The following MAN2B2 variants were observed in gnomAD, a reference collection of about 807,000 sequenced individuals.
The protein encoded by MAN2B2 is epididymis-specific alpha-mannosidase.
MAN2B2 carries 106 observed loss-of-function variants against 117.1 expected under a neutral mutation model. The observed-to-expected ratio is 0.90, with a 90% CI of 0.77 to 1.06. The LOEUF (loss-of-function observed/expected upper bound fraction) is 1.06, where lower values mean the gene tolerates loss of function less well. MAN2B2 is among the 50% of genes least tolerant of loss of function. The probability of loss-of-function intolerance (pLI) is 0.00; values close to 1 mark genes in which losing one functional copy is unlikely to be tolerated. For synonymous variants in MAN2B2, 544 were observed against 595.1 expected, an observed-to-expected ratio of 0.91 and a Z score of 1.25; for missense variants, 1,326 against 1,381.4, an observed-to-expected ratio of 0.96 and a Z score of 0.64.
intron 7 of MAN2B2, among the ~76,000 whole-genome samples, chr4:6,596,704 C>T (rs1021929395): frequency 6.6e-6 from 1 of 152,198 alleles, no homozygotes; most frequent in Non-Finnish European, 1.5e-5. Flanking sequence ...GGCCTCTGTG[C>T]AGTCTAGGCC....
At position 6,611,386 on chromosome 4, in the gene MAN2B2, G is replaced by T. The variant is rs148713437; in HGVS notation, c.2563+108G>T. 688 of 1,199,948 alleles carry T rather than the reference G, an allele frequency of 5.7e-4. 5 individuals are homozygous for T. In the African/African-American group the frequency reaches 9.6e-3, roughly 17 times the overall value. The allele number at this position is 1,199,948 out of a possible 1,614,324, so 74.3% of individuals were successfully genotyped here. ...CCTCATGACTCTGGGCAGCTTTTGG[G>T]CAGGAAGCGACCTCAGGGACCTCTA... is the stretch of plus-strand genomic sequence containing the variant. On this transcript the variant is annotated intron_variant, in intron 15 of 18. Coordinates refer to ENST00000285599, the MANE Select transcript of MAN2B2 (RefSeq NM_015274.3).
chr4:6,605,019 T>C lies in MAN2B2; in HGVS notation c.1540-36T>C, dbSNP rs775124530. On this transcript the variant is annotated intron_variant, in intron 10 of 18. Transcript: ENST00000285599. ...ACCCCATTCCAGAAAGTGTGAGAGC[T>C]GACAGTTAACAAGTCTCATCCTGCT... 3 of 1,591,900 alleles carry C rather than the reference T, an allele frequency of 1.9e-6. No individual in the cohort carries two copies. The East Asian group carries it at 6.8e-5, about 36-fold the overall frequency.
intron 14 of MAN2B2, 24 bp downstream of exon 14, chr4:6,611,014 A>G (rs1455160856): frequency 2.3e-5 from 37 of 1,613,512 alleles, no homozygotes; most frequent in Admixed American, 6.7e-5. Flanking sequence ...TCTGTCCTAC[A>G]GCAGCCCCTC....
intron 6 of MAN2B2, among the ~76,000 whole-genome samples, chr4:6,594,122 G>A (rs1463607084): frequency 6.6e-6 from 1 of 151,906 alleles, no homozygotes; most frequent in Non-Finnish European, 1.5e-5. Context: ...TAATGATTTG[G>A]ATAAGTAGTA....
chr4:6,599,278 A>AT (rs146877043), intron 9 of MAN2B2, among the ~76,000 whole-genome samples: 6,687 of 151,252 alleles, frequency 0.044, 508 homozygotes, highest in African/African-American at 0.15. Flanking sequence ...TTTTATTTTT[A>AT]TTTTTTTTGG....
In MAN2B2 at chr4:6,609,817, T is replaced by C. The variant is rs61729247; in HGVS notation, c.2026T>C (p.Tyr676His). ...CTCCAGGAACATGACAGCACAGAAT[T>C]ACACGTATGCAATCCGCTCCCGGCT... ...YFYRNMTAQN[Y>H]TYAIRSRLTH... The change falls in exon 13 of 19, where the codon TAC (tyrosine) becomes CAC (histidine). Residue 676 changes from tyrosine (Y) to histidine (H), a missense_variant. Coordinates refer to ENST00000285599, the MANE Select transcript of MAN2B2 (RefSeq NM_015274.3). 4,195 of 1,613,950 alleles carry C rather than the reference T, an allele frequency of 2.6e-3. 116 individuals carry two copies. The African/African-American group carries it at 0.047, about 18-fold the overall frequency.
intron 5 of MAN2B2, among the ~76,000 whole-genome samples, chr4:6,589,377 A>T (rs901532534): frequency 3.0e-4 from 45 of 152,176 alleles, no homozygotes; most frequent in Admixed American, 2.7e-3. Context: ...AGTAGCTAGG[A>T]TTATAGGCAC....
intron 3 of MAN2B2, among the ~76,000 whole-genome samples, chr4:6,583,175 C>T (rs1036277738): frequency 3.9e-5 from 6 of 152,176 alleles, no homozygotes; most frequent in Admixed American, 3.9e-4. Flanking sequence ...GGAGCCAGGG[C>T]AGGCAGCTTC....
At chr4:6,579,043 C>T (rs1726194063) in intron 3 of MAN2B2, among the ~76,000 whole-genome samples, 1 of 101,232 alleles carries the variant, frequency 9.9e-6, no homozygotes, top group Non-Finnish European at 1.9e-5. Flanking sequence ...CTACCACCAT[C>T]ACCACCATCA....
At chr4:6,581,398 T>C (rs1225479618) in intron 3 of MAN2B2, among the ~76,000 whole-genome samples, 1 of 152,126 alleles carries the variant, frequency 6.6e-6, no homozygotes. Flanking sequence ...TTTATATATA[T>C]GCAGTAGGTA....
chr4:6,609,198 C>G lies in MAN2B2; in HGVS notation c.1906C>G (p.Leu636Val), dbSNP rs970820641. 1.2e-6 allele frequency: 2 copies of G among 1,614,120 alleles called. No individual in the cohort carries two copies. The highest frequency in any genetic ancestry group is 2.7e-5 in the African/African-American group (2 of 74,964). The change falls in exon 12 of 19, where the codon CTG becomes GTG. Residue 636 changes from leucine (L) to valine (V), a missense_variant. Leu to Val is a conservative substitution (Grantham distance 32). Coordinates refer to ENST00000285599, the MANE Select transcript of MAN2B2 (RefSeq NM_015274.3). Reference sequence around the variant, plus strand: ...ACAGGGCCCCATTTCCGATAACTACCTGTTCACACCGGGCAAGGCCGCGGT... The same window carrying G: ...ACAGGGCCCCATTTCCGATAACTACGTGTTCACACCGGGCAAGGCCGCGGT... The part of the protein sequence containing the change: ...VKQGPISDNY[L>V]FTPGKAAVPA...
chr4:6,611,689 G>A (rs922327637), intron 15 of MAN2B2, among the ~76,000 whole-genome samples: 2 of 152,206 alleles, frequency 1.3e-5, no homozygotes, highest in African/African-American at 2.4e-5. Context: ...AGCTACACGG[G>A]AGACTGAGGC....
At chr4:6,603,565 T>C (rs1484131638) in intron 10 of MAN2B2, among the ~76,000 whole-genome samples, 1 of 151,980 alleles carries the variant, frequency 6.6e-6, no homozygotes, top group African/African-American at 2.4e-5. Flanking sequence ...AGATGCAGTA[T>C]CCGTTAGGAG....
intron 3 of MAN2B2, among the ~76,000 whole-genome samples, chr4:6,585,009 C>T (rs1415170000): frequency 6.6e-6 from 1 of 152,074 alleles, no homozygotes; most frequent in African/African-American, 2.4e-5. Flanking sequence ...GTTGCCCACT[C>T]CCTCCTTCAT....
chr4:6,614,410 G>A, intron 16 of MAN2B2, 55 bp downstream of exon 16: 2 of 1,588,888 alleles, frequency 1.3e-6, no homozygotes, highest in Non-Finnish European at 1.7e-6. Flanking sequence ...GAGTCAAACA[G>A]GCCACCGGGC....
At position 6,587,114 on chromosome 4, in the gene MAN2B2, C is replaced by T; in HGVS notation, c.510C>T (p.Ala170=). The change falls in exon 4 of 19, where the codon GCC becomes GCT. Residue 170 remains alanine (A), a synonymous_variant. Coordinates refer to ENST00000285599, the MANE Select transcript of MAN2B2 (RefSeq NM_015274.3). ...TATTTGCGCTGGCGGGCTTCAATGC[C>T]CACCTCGGCTCCCGGATCGACTACG... The part of the protein sequence containing the change: ...PTLFALAGFN[A]HLGSRIDYDL... The T allele has an allele frequency of 6.2e-7, 1 of 1,613,944 alleles. No individual in the cohort carries two copies. Among genetic ancestry groups the T allele is most frequent in the Non-Finnish European group, 8.5e-7 (1 of 1,180,006 alleles).
chr4:6,580,204 G>T (rs1726373887), intron 3 of MAN2B2, among the ~76,000 whole-genome samples: 2 of 152,192 alleles, frequency 1.3e-5, no homozygotes. Context: ...TCCATGAGAA[G>T]GAGGCGTGAT....
intron 13 of MAN2B2, among the ~76,000 whole-genome samples, chr4:6,610,651 T>G (rs933453273): frequency 9.2e-5 from 14 of 152,234 alleles, no homozygotes; most frequent in African/African-American, 3.4e-4. Context: ...CATGAGATGA[T>G]GCGTGGCCAG....
chr4:6,614,127 G>C, intron 15 of MAN2B2, 91 bp from the exon 16 acceptor site: 1 of 1,494,284 alleles, frequency 6.7e-7, no homozygotes, highest in Non-Finnish European at 9.1e-7. Context: ...TGGCTGGCAG[G>C]GGCAGGGGCA....
Sources: gnomAD v4.1 joint callset for allele counts (sites outside exome capture counted in the v4.1 genomes callset) on GRCh38, gnomAD v4.1.1 for gene constraint, MANE v1.5 for transcripts, NCBI Gene and HGNC (gene_info 2026-07-23, HGNC 2026-07-21) for gene names.